Variants in CLSTN2 observed in about 807,000 individuals in gnomAD.
CLSTN2 encodes the protein calsyntenin 2.
Under a neutral mutation model 101.2 loss-of-function variants are expected in CLSTN2, and 48 were observed. The observed-to-expected ratio is 0.47, with a 90% confidence interval of 0.38 to 0.60. The LOEUF (loss-of-function observed/expected upper bound fraction) is 0.60. Among genes scored for constraint, CLSTN2 ranks in the 20% least tolerant of loss-of-function variants. CLSTN2 has a pLI of 0.00. For synonymous variants in CLSTN2, 481 were observed against 463.6 expected (o/e 1.04, Z -0.48); for missense variants, 1,160 against 1,238.2 (o/e 0.94, Z 0.95).
At chr3:140,222,599 T>A (rs961136111) in intron 2 of CLSTN2, among the ~76,000 whole-genome samples, 1 of 152,196 alleles carries the variant, frequency 6.6e-6, no homozygotes, top group Admixed American at 6.5e-5. Context: ...TATATATACC[T>A]ACTATGTACC....
chr3:140,128,518 G>A (rs551594920), intron 1 of CLSTN2, among the ~76,000 whole-genome samples: 1 of 152,308 alleles, frequency 6.6e-6, no homozygotes, highest in African/African-American at 2.4e-5. Context: ...GATAGTCTGG[G>A]GCTAGACATA....
At chr3:140,033,754 T>G (rs2007603467) in intron 1 of CLSTN2, among the ~76,000 whole-genome samples, 2 of 152,236 alleles carry the variant, frequency 1.3e-5, no homozygotes, top group African/African-American at 4.8e-5. Flanking sequence ...TTATCTTTTT[T>G]CTGTGCAGGT....
chr3:140,039,319 C>T (rs1002051323), intron 1 of CLSTN2, among the ~76,000 whole-genome samples: 1 of 150,904 alleles, frequency 6.6e-6, no homozygotes, highest in Non-Finnish European at 1.5e-5. Context: ...TTTAGCGTTA[C>T]TTTTAATGGT....
intron 1 of CLSTN2, among the ~76,000 whole-genome samples, chr3:140,008,681 A>G (rs908880911): frequency 6.6e-6 from 1 of 152,238 alleles, no homozygotes; most frequent in African/African-American, 2.4e-5. Context: ...CAAAGTTAAC[A>G]GAATTTTCCT....
intron 5 of CLSTN2, among the ~76,000 whole-genome samples, chr3:140,439,146 G>A (rs1230278709): frequency 6.6e-6 from 1 of 152,230 alleles, no homozygotes; most frequent in Non-Finnish European, 1.5e-5. Flanking sequence ...TCCTCTCACA[G>A]CATGGGGAAG....
chr3:140,314,985 C>A (rs1342363901), intron 2 of CLSTN2, among the ~76,000 whole-genome samples: 1 of 152,182 alleles, frequency 6.6e-6, no homozygotes, highest in Admixed American at 6.5e-5. Context: ...CCCATGGTTG[C>A]ATTAAGTTTC....
intron 2 of CLSTN2, among the ~76,000 whole-genome samples, chr3:140,345,182 T>C (rs1031347302): frequency 2.0e-5 from 3 of 152,080 alleles, no homozygotes; most frequent in Non-Finnish European, 4.4e-5. Context: ...TGCCAGTTTG[T>C]TCCCCAAAAG....
intron 2 of CLSTN2, among the ~76,000 whole-genome samples, chr3:140,363,590 G>T (rs543401834): frequency 2.0e-4 from 27 of 132,282 alleles, no homozygotes; most frequent in Non-Finnish European, 3.8e-4. Context: ...GAAATGCTGG[G>T]CAGTCAGAGG....
Position 140,416,919 on chromosome 3 carries a change from C to T in CLSTN2, c.638-4206C>T, listed in dbSNP as rs140262465. On this transcript the variant is annotated intron_variant, in intron 4 of 16. Transcript: ENST00000458420. Reference sequence around the variant, plus strand: ...AATAACAGGATTCATGCTTCTGAGCCAAATGTATCCTAAAGACTGCTCATT... The same window carrying T: ...AATAACAGGATTCATGCTTCTGAGCTAAATGTATCCTAAAGACTGCTCATT... 8.5e-3 allele frequency among the ~76,000 whole-genome samples: 1,290 copies of T among 152,296 alleles called. 19 individuals carry two copies. The highest frequency in any genetic ancestry group is 0.027 in the African/African-American group (1,139 of 41,542).
Position 140,338,789 on chromosome 3 carries a change from T to C in CLSTN2, c.233-64840T>C, listed in dbSNP as rs190625334. 3.9e-5 allele frequency among the ~76,000 whole-genome samples: 6 copies of C among 152,302 alleles called. No individual in the cohort carries two copies. In the East Asian group the frequency reaches 7.7e-4, roughly 20 times the overall value. ...GAAGGGGAAGTGTTGGTGGTCCTTC[T>C]TCCAGACCTGAAGATGCTCAGTGAG... On this transcript the variant is annotated intron_variant, in intron 2 of 16. Coordinates refer to ENST00000458420, the MANE Select transcript of CLSTN2 (RefSeq NM_022131.3).
At chr3:140,472,123 G>GCAGC (rs1933864741) in intron 8 of CLSTN2, among the ~76,000 whole-genome samples, 1 of 152,052 alleles carries the variant, frequency 6.6e-6, no homozygotes, top group African/African-American at 2.4e-5. Flanking sequence ...CAGGTCCCCA[G>GCAGC]CAGCCCTTCA....
At chr3:140,224,399 G>T (rs1190088366) in intron 2 of CLSTN2, among the ~76,000 whole-genome samples, 2 of 152,200 alleles carry the variant, frequency 1.3e-5, no homozygotes, top group Admixed American at 1.3e-4. Context: ...TAGTCATTTA[G>T]CTAGTGTTTA....
At chr3:140,257,982 C>G in intron 2 of CLSTN2, among the ~76,000 whole-genome samples, 1 of 151,688 alleles carries the variant, frequency 6.6e-6, no homozygotes, top group African/African-American at 2.4e-5. Context: ...GTTCAGTTAC[C>G]TTTCCTTTCA....
At chr3:140,343,882 G>A (rs957998538) in intron 2 of CLSTN2, among the ~76,000 whole-genome samples, 35 of 152,288 alleles carry the variant, frequency 2.3e-4, no homozygotes, top group Admixed American at 1.0e-3. Context: ...CAGAGGACTA[G>A]CTGGTTTGGT....
intron 4 of CLSTN2, among the ~76,000 whole-genome samples, chr3:140,415,332 T>C (rs2088416392): frequency 6.6e-6 from 1 of 151,768 alleles, no homozygotes; most frequent in African/African-American, 2.4e-5. Context: ...CAAAATGAAA[T>C]GAGTGGCACA....
intron 8 of CLSTN2, among the ~76,000 whole-genome samples, chr3:140,480,596 C>A (rs973726557): frequency 6.6e-6 from 1 of 152,202 alleles, no homozygotes; most frequent in Non-Finnish European, 1.5e-5. Flanking sequence ...TCCACATCCT[C>A]TCTAGCACCT....
chr3:140,263,424 A>G (rs1056986445), intron 2 of CLSTN2, among the ~76,000 whole-genome samples: 1 of 152,170 alleles, frequency 6.6e-6, no homozygotes, highest in Non-Finnish European at 1.5e-5. Context: ...GAGGTTGGCC[A>G]CTGGCTCACC....
chr3:140,121,691 AG>A (rs1212990491), intron 1 of CLSTN2, among the ~76,000 whole-genome samples: 1 of 152,132 alleles, frequency 6.6e-6, no homozygotes, highest in Non-Finnish European at 1.5e-5. Context: ...GACTGTAAAA[AG>A]GTTACTGCAA....
chr3:140,023,475 A>G (rs1369971004), intron 1 of CLSTN2, among the ~76,000 whole-genome samples: 1 of 152,188 alleles, frequency 6.6e-6, no homozygotes, highest in Non-Finnish European at 1.5e-5. Flanking sequence ...ACAGACACAC[A>G]CATTGAGAGC....
Sources: allele counts gnomAD v4.1 joint callset (sites outside exome capture counted in the v4.1 genomes callset), GRCh38; gene constraint gnomAD v4.1.1; transcripts MANE v1.5; gene names NCBI Gene and HGNC (gene_info 2026-07-23, HGNC 2026-07-21).